NFIL3: variants seen among roughly 807,000 people sequenced by gnomAD.
NFIL3 encodes nuclear factor, interleukin 3 regulated.
A neutral mutation model predicts 10.0 loss-of-function variants in NFIL3; 5 were observed. The observed-to-expected ratio is 0.50, with a 90% confidence interval of 0.26 to 1.06. The LOEUF (loss-of-function observed/expected upper bound fraction) is 1.06, where lower values mean the gene tolerates loss of function less well. Among genes scored for constraint, NFIL3 ranks in the 50% least tolerant of loss-of-function variants. NFIL3 has a pLI of 0.13. For synonymous variants in NFIL3, 202 were observed against 206.5 expected, an observed-to-expected ratio of 0.98 and a Z score of 0.19; for missense variants, 436 against 547.6, an observed-to-expected ratio of 0.80 and a Z score of 2.03.
upstream of NFIL3, among the ~76,000 whole-genome samples, chr9:91,424,126 G>C (rs568649271): frequency 6.6e-6 from 1 of 151,946 alleles, no homozygotes; most frequent in Admixed American, 6.5e-5. Context: ...GTTGCGCAAC[G>C]GCCCACGCGG....
chr9:91,474,080 G>GT, the NFIL3 span, among the ~76,000 whole-genome samples: 146 of 134,242 alleles, frequency 1.1e-3, 1 homozygote, highest in African/African-American at 5.0e-3. Context: ...TAGTTGTAGG[G>GT]TTTTTGTTTT....
At chr9:91,450,105 T>C in the NFIL3 span, among the ~76,000 whole-genome samples, 182 of 152,258 alleles carry the variant, frequency 1.2e-3, no homozygotes, top group Middle Eastern at 3.4e-3. Flanking sequence ...TGTTCTTTAT[T>C]AGTCTAGCTA....
At chr9:91,468,712 G>C in the NFIL3 span, among the ~76,000 whole-genome samples, 4 of 152,252 alleles carry the variant, frequency 2.6e-5, no homozygotes, top group African/African-American at 9.6e-5. Context: ...ATTAATTTTT[G>C]TATAAGGTGT....
At chr9:91,450,669 T>C in the NFIL3 span, among the ~76,000 whole-genome samples, 3 of 152,166 alleles carry the variant, frequency 2.0e-5, no homozygotes, top group African/African-American at 7.2e-5. Context: ...AAGAAGAATG[T>C]GTATCCTTCT....
chr9:91,435,574 G>A, the NFIL3 span, among the ~76,000 whole-genome samples: 8 of 152,264 alleles, frequency 5.3e-5, no homozygotes, highest in African/African-American at 1.9e-4. Context: ...TGATGGCTCC[G>A]TTTGGCACTG....
At chr9:91,466,071 C>A in the NFIL3 span, among the ~76,000 whole-genome samples, 3 of 151,804 alleles carry the variant, frequency 2.0e-5, no homozygotes, top group Admixed American at 6.6e-5. Context: ...AGATCTCAGT[C>A]TTTTAGTTAG....
the NFIL3 span, among the ~76,000 whole-genome samples, chr9:91,456,766 G>A: frequency 6.6e-6 from 1 of 151,934 alleles, no homozygotes; most frequent in African/African-American, 2.4e-5. Context: ...AAAAATCTTT[G>A]CCTATCACAT....
At chr9:91,437,313 C>A in the NFIL3 span, among the ~76,000 whole-genome samples, 2 of 152,210 alleles carry the variant, frequency 1.3e-5, no homozygotes, top group African/African-American at 4.8e-5. Flanking sequence ...TGATGTATTA[C>A]ATGTTATATT....
the NFIL3 span, among the ~76,000 whole-genome samples, chr9:91,457,890 T>C: frequency 2.0e-5 from 3 of 152,112 alleles, no homozygotes; most frequent in African/African-American, 7.2e-5. Context: ...GTAAATATGA[T>C]TTTGTGAAAT....
Position 91,410,125 on chromosome 9 carries a change from C to T in NFIL3, c.610G>A (p.Val204Met). The change falls in exon 2 of 2, where the codon GTG becomes ATG. Residue 204 changes from valine to methionine, a missense_variant. By Grantham distance (21) the Val-to-Met change is conservative (BLOSUM62 1). This residue lies in a region of NFIL3 where 338 missense variants were observed against 399.9 expected (regional missense o/e 0.85). Coordinates refer to ENST00000297689, the MANE Select transcript of NFIL3 (RefSeq NM_005384.3). The surrounding 1 kb of genome is among the most constrained non-coding windows in gnomAD (Gnocchi z 5.7). ...SSVEHTQESS[V>M]QGSCRSPENK... Reference sequence around the variant, plus strand: ...TCAGGACTTCTGCAGCTTCCCTGCACAGAGCTCTCCTGCGTGTGTTCTACT... The same window carrying T: ...TCAGGACTTCTGCAGCTTCCCTGCATAGAGCTCTCCTGCGTGTGTTCTACT... 6.2e-7 allele frequency: 1 copy of T among 1,614,190 alleles called. No individual in the cohort carries two copies.
At chr9:91,472,974 G>C in the NFIL3 span, among the ~76,000 whole-genome samples, 1 of 152,254 alleles carries the variant, frequency 6.6e-6, no homozygotes, top group Admixed American at 6.5e-5. Flanking sequence ...TCAGCTGCAG[G>C]TCTGTTGGAG....
chr9:91,455,179 G>A, the NFIL3 span, among the ~76,000 whole-genome samples: 1 of 152,126 alleles, frequency 6.6e-6, no homozygotes, highest in South Asian at 2.1e-4. Flanking sequence ...CTTTTTGTAA[G>A]TAATAAACAT....
At chr9:91,413,621 A>G (rs1269054541) in intron 1 of NFIL3, among the ~76,000 whole-genome samples, 1 of 152,176 alleles carries the variant, frequency 6.6e-6, no homozygotes, top group African/African-American at 2.4e-5. Context: ...TCCTTTACAT[A>G]TTGAATGGAT....
the NFIL3 span, among the ~76,000 whole-genome samples, chr9:91,479,572 C>T: frequency 6.6e-6 from 1 of 152,228 alleles, no homozygotes; most frequent in Non-Finnish European, 1.5e-5. Context: ...TGGATCTTAG[C>T]TTGCTGGGCT....
the NFIL3 span, among the ~76,000 whole-genome samples, chr9:91,468,165 A>T: frequency 3.3e-5 from 5 of 152,154 alleles, no homozygotes; most frequent in Non-Finnish European, 4.4e-5. Flanking sequence ...AGTGTAAAAG[A>T]GTTCCTATTT....
chr9:91,477,129 C>T, the NFIL3 span, among the ~76,000 whole-genome samples: 3 of 152,104 alleles, frequency 2.0e-5, no homozygotes, highest in Non-Finnish European at 2.9e-5. Flanking sequence ...ATTGTGGCCT[C>T]GAGAGCCTGA....
Position 91,410,843 on chromosome 9 carries a change from G to C in NFIL3, c.-109C>G. The C allele has an allele frequency of 8.4e-7, 1 of 1,197,564 alleles. No homozygotes were observed. Among genetic ancestry groups the C allele is most frequent in the East Asian group, 2.5e-5 (1 of 40,446 alleles). 74.2% of individuals were successfully genotyped at this position (1,197,564 alleles called of 1,614,324 possible). The stretch of plus-strand genomic sequence containing the variant: ...AAAATCCATCAATATTCTTCCTTTT[G>C]TTCTACCGTCTGGGATAAATCCGTC... On this transcript the variant is annotated 5_prime_UTR_variant, in exon 2 of 2. Transcript: ENST00000297689. The surrounding 1 kb of genome is among the most constrained non-coding windows in gnomAD (Gnocchi z 5.7).
the NFIL3 span, among the ~76,000 whole-genome samples, chr9:91,436,082 A>G: frequency 6.6e-6 from 1 of 152,212 alleles, no homozygotes; most frequent in Non-Finnish European, 1.5e-5. Context: ...TATGCCCCAA[A>G]TCAAACTGCA....
chr9:91,467,503 C>A, the NFIL3 span, among the ~76,000 whole-genome samples: 1 of 152,058 alleles, frequency 6.6e-6, no homozygotes, highest in South Asian at 2.1e-4. Flanking sequence ...TTATTAGTTA[C>A]AACAGGGTTT....
Sources: allele counts gnomAD v4.1 joint callset (sites outside exome capture counted in the v4.1 genomes callset), GRCh38; gene constraint gnomAD v4.1.1; regional missense constraint gnomAD v4.1.1; non-coding constraint Gnocchi (gnomAD v3.1); transcripts MANE v1.5; gene names NCBI Gene and HGNC (gene_info 2026-07-23, HGNC 2026-07-21).